SAMSN1: variants seen among roughly 807,000 people sequenced by gnomAD.
SAMSN1 encodes the protein SAM domain-containing protein SAMSN-1.
A neutral mutation model predicts 42.0 loss-of-function variants in SAMSN1; 31 were observed. The observed-to-expected ratio is 0.74, with a 90% confidence interval of 0.55 to 1.00. SAMSN1 has a LOEUF of 1.00. Among genes scored for constraint, SAMSN1 ranks in the 50% least tolerant of loss-of-function variants. SAMSN1 has a pLI of 0.00. For synonymous variants in SAMSN1, 178 were observed against 151.9 expected (o/e 1.17, Z -1.26); for missense variants, 464 against 439.4 (o/e 1.06, Z -0.50).
chr21:14,499,891 T>C (rs573062554), intron 6 of SAMSN1, among the ~76,000 whole-genome samples: 53 of 152,348 alleles, frequency 3.5e-4, no homozygotes, highest in African/African-American at 1.3e-3. Context: ...GAGTTAATTT[T>C]AGAAATGGAT....
intron 1 of SAMSN1, among the ~76,000 whole-genome samples, chr21:14,522,137 T>G (rs571167155): frequency 6.6e-6 from 1 of 152,348 alleles, no homozygotes; most frequent in South Asian, 2.1e-4. Context: ...AAAAGCTCAG[T>G]ATGTTAATAG....
At chr21:14,591,838 T>G (rs1202167016) in intron 7 of SAMSN1, 1 of 152,186 alleles carries the variant, frequency 6.6e-6, no homozygotes, top group African/African-American at 2.4e-5. Context: ...GATTTTGATG[T>G]GCATAATTCT....
chr21:14,621,725 A>G (rs1210051810), intron 2 of SAMSN1, among the ~76,000 whole-genome samples: 1 of 152,246 alleles, frequency 6.6e-6, no homozygotes, highest in Non-Finnish European at 1.5e-5. Context: ...AAAAGGCAGC[A>G]GAAACCTCTG....
At chr21:14,487,648 C>T (rs932645435) in intron 7 of SAMSN1, among the ~76,000 whole-genome samples, 15 of 152,244 alleles carry the variant, frequency 9.9e-5, no homozygotes, top group Admixed American at 7.2e-4. Context: ...AAAATTGCTT[C>T]TTAGTCTGCT....
At chr21:14,495,177 G>A (rs187039728) in intron 7 of SAMSN1, among the ~76,000 whole-genome samples, 1 of 152,276 alleles carries the variant, frequency 6.6e-6, no homozygotes, top group Admixed American at 6.5e-5. Context: ...GTTTTTAAAT[G>A]TCTCAGTTTT....
intron 2 of SAMSN1, among the ~76,000 whole-genome samples, chr21:14,640,668 T>C (rs1983572854): frequency 6.6e-6 from 1 of 152,126 alleles, no homozygotes; most frequent in Non-Finnish European, 1.5e-5. Context: ...GATTTAATTA[T>C]TTAAAAAATT....
At chr21:14,622,350 C>T (rs1469091812) in intron 2 of SAMSN1, among the ~76,000 whole-genome samples, 2 of 152,128 alleles carry the variant, frequency 1.3e-5, no homozygotes, top group African/African-American at 2.4e-5. Flanking sequence ...TTTGAACCCA[C>T]CGCAAAGAAG....
chr21:14,647,029 G>A (rs576007203), intron 1 of SAMSN1, among the ~76,000 whole-genome samples: 15 of 152,160 alleles, frequency 9.9e-5, no homozygotes, highest in South Asian at 2.1e-4. Flanking sequence ...AAAACAACCC[G>A]AAAACAAGTA....
chr21:14,568,281 C>T (rs1233023125), intron 2 of SAMSN1, among the ~76,000 whole-genome samples: 1 of 152,068 alleles, frequency 6.6e-6, no homozygotes, highest in African/African-American at 2.4e-5. Context: ...GAATGAGTTC[C>T]CTATATCCCC....
At chr21:14,550,050 C>A (rs548350967), upstream of SAMSN1, among the ~76,000 whole-genome samples, 1 of 152,142 alleles carries the variant, frequency 6.6e-6, no homozygotes, top group South Asian at 2.1e-4. Context: ...TATAGAGGGG[C>A]CTTGGTGTTG....
intron 7 of SAMSN1, chr21:14,593,996 G>T (rs1384497169): frequency 1.4e-6 from 1 of 715,488 alleles, no homozygotes; most frequent in East Asian, 2.7e-5. Flanking sequence ...AGTTACATCT[G>T]GGAAGAAATG....
exon 1 of SAMSN1, chr21:14,583,385 G>T (rs1001092350): frequency 5.7e-6 from 2 of 349,864 alleles, no homozygotes; most frequent in African/African-American, 4.3e-5. Context: ...TGGCGACAGT[G>T]GACACTGCTG....
intron 1 of SAMSN1, among the ~76,000 whole-genome samples, chr21:14,537,742 G>T (rs189531978): frequency 6.6e-6 from 1 of 151,720 alleles, no homozygotes; most frequent in South Asian, 2.1e-4. Context: ...TCAAATATTC[G>T]GCCTAGGCTC....
At position 14,516,960 on chromosome 21, in the gene SAMSN1, T is replaced by C; in HGVS notation, c.211A>G (p.Arg71Gly). Residue 71 changes from arginine to glycine, a missense_variant, in exon 3 of 8, where the codon AGA (arginine) becomes GGA (glycine). Physicochemically the swap from Arg to Gly is moderately radical, Grantham distance 125. Coordinates refer to ENST00000400566, the MANE Select transcript of SAMSN1 (RefSeq NM_022136.5). ...NNGGGLGKKMRAISWTMKKKV... is the reference protein window; with the variant it reads ...NNGGGLGKKMGAISWTMKKKV... Reference sequence around the variant, plus strand: ...TTCTTCATTGTCCATGAAATAGCTCTCATTTTTTTACCCAAACCGCCTCCA... The same window carrying C: ...TTCTTCATTGTCCATGAAATAGCTCCCATTTTTTTACCCAAACCGCCTCCA... The C allele has an allele frequency of 6.2e-7, 1 of 1,613,526 alleles. No homozygotes were observed. The highest frequency in any genetic ancestry group is 8.5e-7 in the Non-Finnish European group (1 of 1,179,604).
intron 7 of SAMSN1, among the ~76,000 whole-genome samples, chr21:14,497,570 C>G (rs1454020905): frequency 6.6e-6 from 1 of 152,174 alleles, no homozygotes; most frequent in Non-Finnish European, 1.5e-5. Flanking sequence ...CCACCCGGGA[C>G]AGCAGATTTA....
At chr21:14,620,774 A>G (rs988677826) in intron 2 of SAMSN1, among the ~76,000 whole-genome samples, 1 of 152,220 alleles carries the variant, frequency 6.6e-6, no homozygotes, top group African/African-American at 2.4e-5. Context: ...ATACATATAG[A>G]TGACATTTCT....
chr21:14,553,967 AAACGGATTAGTCC>A (rs1980678995), intron 2 of SAMSN1, among the ~76,000 whole-genome samples: 1 of 152,086 alleles, frequency 6.6e-6, no homozygotes, highest in Non-Finnish European at 1.5e-5. Flanking sequence ...CTCCATCTGG[AAACGGATTAGTCC>A]AATGTTGAAC....
chr21:14,578,680 CAAAAAAAAAAAA>C (rs769354531), intron 2 of SAMSN1, among the ~76,000 whole-genome samples: 1 of 63,694 alleles, frequency 1.6e-5, no homozygotes. Flanking sequence ...GAGAATCCAT[CAAAAAAAAAAAA>C]AAAAAAAAAA....
At chr21:14,502,370 G>T (rs1987204230) in intron 5 of SAMSN1, among the ~76,000 whole-genome samples, 1 of 152,108 alleles carries the variant, frequency 6.6e-6, no homozygotes, top group South Asian at 2.1e-4. Context: ...ACCCTTCACT[G>T]CATCCTTCCT....
Sources: allele counts gnomAD v4.1 joint callset (sites outside exome capture counted in the v4.1 genomes callset), GRCh38; gene constraint gnomAD v4.1.1; transcripts MANE v1.5; gene names NCBI Gene and HGNC (gene_info 2026-07-23, HGNC 2026-07-21).